Variants in NF2 observed in about 807,000 individuals in gnomAD.
NF2 encodes the protein merlin.
NF2 carries 8 observed loss-of-function variants against 83.7 expected under a neutral mutation model. The observed-to-expected ratio is 0.10, with a 90% CI of 0.06 to 0.17. The LOEUF is 0.17. NF2 is among the 10% of genes least tolerant of loss of function. The pLI, the probability that NF2 is intolerant of heterozygous loss-of-function variation, is 1.00. For synonymous variants in NF2, 266 were observed against 269.6 expected (o/e 0.99, Z 0.13); for missense variants, 533 against 744.4 (o/e 0.72, Z 3.31).
intron 15 of NF2, chr22:29,683,901 G>A: frequency 3.8e-6 from 4 of 1,042,814 alleles, no homozygotes; most frequent in Non-Finnish European, 4.6e-6. Context: ...ATAATAAAAT[G>A]ACATCCTGCC....
In NF2 at chr22:29,694,978, T is replaced by C. The variant is rs2067507904; in HGVS notation, c.*176T>C. The C allele has an allele frequency of 5.8e-6, 4 of 688,378 alleles. No homozygotes were observed. Among genetic ancestry groups the C allele is most frequent in the Non-Finnish European group, 1.0e-5 (4 of 381,190 alleles). The allele number at this position is 688,378 out of a possible 1,614,324, so 42.6% of individuals were successfully genotyped here. A position where few individuals can be genotyped will look rare whatever the true frequency, so the allele number is the denominator to read the frequency against. ...CCTCTTATGTGCAATTGCCTTGAAC[T>C]ACGACCCTGTAGAGATTTCTCTCAT... On this transcript the variant is annotated 3_prime_UTR_variant, in exon 16 of 16. Coordinates refer to ENST00000338641, the MANE Select transcript of NF2 (RefSeq NM_000268.4). This position sits in a 1 kb window ranked among gnomAD's most constrained non-coding sequence, Gnocchi z 4.1.
At chr22:29,670,501 G>A (rs1302529499) in intron 10 of NF2, among the ~76,000 whole-genome samples, 1 of 116,820 alleles carries the variant, frequency 8.6e-6, no homozygotes, top group Non-Finnish European at 1.8e-5. Flanking sequence ...ATCTTTTTGA[G>A]CTTGTGTGTG....
At chr22:29,679,352 T>C (rs1196443803) in intron 14 of NF2, among the ~76,000 whole-genome samples, 18 of 152,180 alleles carry the variant, frequency 1.2e-4, no homozygotes, top group Admixed American at 1.2e-3. Context: ...ACACTGAGGG[T>C]ATAGCTAAGT....
intron 11 of NF2, 31 bp from the exon 12 acceptor site, chr22:29,673,238 C>T: frequency 6.4e-7 from 1 of 1,551,448 alleles, no homozygotes; most frequent in Non-Finnish European, 8.7e-7. Flanking sequence ...GCACATGATC[C>T]CACTTCAGCT....
At chr22:29,642,103 C>T (rs1056232508) in intron 3 of NF2, 99 bp from the exon 4 acceptor site, 2 of 963,554 alleles carry the variant, frequency 2.1e-6, no homozygotes, top group Non-Finnish European at 3.4e-6. Context: ...GCTGCTCTGG[C>T]AGCCCTCATT....
At chr22:29,648,014 C>T (rs1057379138) in intron 4 of NF2, among the ~76,000 whole-genome samples, 19 of 151,962 alleles carry the variant, frequency 1.3e-4, no homozygotes, top group African/African-American at 4.6e-4. Context: ...GCCTGTAGTC[C>T]CAGCTACTTG....
chr22:29,688,300 G>A (rs2067316652), intron 15 of NF2, among the ~76,000 whole-genome samples: 3 of 152,168 alleles, frequency 2.0e-5, no homozygotes, highest in South Asian at 2.1e-4. Context: ...TCGGCCCCTC[G>A]GCACTGAAGA....
At chr22:29,669,228 C>G (rs2066712881) in intron 10 of NF2, among the ~76,000 whole-genome samples, 2 of 152,194 alleles carry the variant, frequency 1.3e-5, no homozygotes, top group African/African-American at 2.4e-5. Flanking sequence ...GCTTTCAGCT[C>G]TCTATCTCTT....
intron 15 of NF2, among the ~76,000 whole-genome samples, chr22:29,685,644 C>T (rs1261729732): frequency 6.6e-6 from 1 of 152,132 alleles, no homozygotes; most frequent in Non-Finnish European, 1.5e-5. Flanking sequence ...CTCCTGAGCT[C>T]AAGTGATCTT....
chr22:29,663,557 C>T (rs753576610), intron 8 of NF2, among the ~76,000 whole-genome samples: 14 of 152,220 alleles, frequency 9.2e-5, no homozygotes, highest in Non-Finnish European at 2.1e-4. Context: ...GGTTTCCCCA[C>T]TACTTGTGGT....
intron 1 of NF2, among the ~76,000 whole-genome samples, chr22:29,610,311 G>A (rs1288791890): frequency 6.6e-6 from 1 of 151,890 alleles, no homozygotes; most frequent in African/African-American, 2.4e-5. Flanking sequence ...GTGCCACAGT[G>A]CTTCAGCCAG....
intron 11 of NF2, 80 bp downstream of exon 11, chr22:29,672,028 C>A (rs2147075365): frequency 6.3e-7 from 1 of 1,597,792 alleles, no homozygotes; most frequent in Non-Finnish European, 8.6e-7. Flanking sequence ...TCCTGAAAAC[C>A]ATGAGTTAGC....
chr22:29,651,905 G>C lies in NF2; in HGVS notation c.448-2752G>C, dbSNP rs188963944. On this transcript the variant is annotated intron_variant, in intron 4 of 15. Transcript: ENST00000338641. ...AGAGATTTGCAAATGCAACTAACAG[G>C]GCTTTCTTTTAGCATCCTACCCTTT... Among the ~76,000 whole-genome samples, 561 of 152,200 alleles carry C rather than the reference G, an allele frequency of 3.7e-3. 2 individuals carry two copies. Among genetic ancestry groups the C allele is most frequent in the Non-Finnish European group, 6.1e-3 (416 of 68,022 alleles).
At chr22:29,668,795 C>T (rs1203800039) in intron 10 of NF2, among the ~76,000 whole-genome samples, 2 of 152,204 alleles carry the variant, frequency 1.3e-5, no homozygotes, top group African/African-American at 4.8e-5. Context: ...CCTCCTTGTG[C>T]AGCCTTCTCC....
intron 4 of NF2, among the ~76,000 whole-genome samples, chr22:29,644,519 G>A (rs377059943): frequency 1.3e-5 from 2 of 151,912 alleles, no homozygotes; most frequent in South Asian, 2.1e-4. Context: ...CAGACGGGGT[G>A]GCGGCCGGGC....
intron 1 of NF2, among the ~76,000 whole-genome samples, chr22:29,632,381 A>T (rs2065538117): frequency 6.6e-6 from 1 of 152,054 alleles, no homozygotes; most frequent in African/African-American, 2.4e-5. Flanking sequence ...ACCATGAGCC[A>T]GTTTAGATGT....
chr22:29,688,916 T>C (rs1040183060), intron 15 of NF2, among the ~76,000 whole-genome samples: 15 of 152,132 alleles, frequency 9.9e-5, no homozygotes, highest in African/African-American at 3.6e-4. Context: ...CGCGGTGGCT[T>C]ATGCCTGTAA....
intron 1 of NF2, among the ~76,000 whole-genome samples, chr22:29,619,780 G>A (rs143151073): frequency 1.3e-4 from 20 of 152,250 alleles, no homozygotes; most frequent in Admixed American, 1.1e-3. Context: ...TGATGAGTGC[G>A]TGCGTGCTGA....
chr22:29,628,140 CTGTGTGTG>C (rs3138701), intron 1 of NF2, among the ~76,000 whole-genome samples: 3,882 of 139,728 alleles, frequency 0.028, 183 homozygotes, highest in African/African-American at 0.095. Context: ...GAGACTTAAT[CTGTGTGTG>C]TGTGTGTGTG....
Sources: gnomAD v4.1 joint callset for allele counts (sites outside exome capture counted in the v4.1 genomes callset) on GRCh38, gnomAD v4.1.1 for gene constraint, Gnocchi (gnomAD v3.1) non-coding constraint, MANE v1.5 for transcripts, NCBI Gene and HGNC (gene_info 2026-07-23, HGNC 2026-07-21) for gene names.